The following TMEM132B variants were observed in gnomAD, a reference collection of about 807,000 sequenced individuals.
TMEM132B encodes transmembrane protein 132B.
In TMEM132B, 18 loss-of-function variants were observed where a neutral mutation model predicts 90.8. The observed-to-expected ratio is 0.20, with a 90% CI of 0.14 to 0.29. The LOEUF (loss-of-function observed/expected upper bound fraction) is 0.29. Ranked by LOEUF, TMEM132B falls within the 10% of genes least tolerant of loss-of-function variation. TMEM132B has a pLI of 1.00. For missense variants in TMEM132B, 1,096 were observed against 1,326.8 expected (o/e 0.83, Z 2.70); for synonymous variants, 504 against 523.3 (o/e 0.96, Z 0.50).
Position 125,416,745 on chromosome 12 carries a change from CACTA to C in TMEM132B, c.1106+1074_1106+1077del, listed in dbSNP as rs1880025552. 3.9e-5 allele frequency among the ~76,000 whole-genome samples: 6 copies of C among 152,328 alleles called. 1 individual carries two copies. Among genetic ancestry groups the C allele is most frequent in the South Asian group, 2.1e-4 (1 of 4,826 alleles). On this transcript the variant is annotated intron_variant, in intron 3 of 8. Coordinates refer to ENST00000682704, the MANE Select transcript of TMEM132B (RefSeq NM_001366854.1). ...TGGTCCAAAGCATTCCATTAGGAAT[CACTA>C]ACTAAGTAATCTGGATGCCTCTTAC...
intron 2 of TMEM132B, among the ~76,000 whole-genome samples, chr12:125,362,009 C>T (rs1220898694): frequency 3.9e-5 from 6 of 152,202 alleles, no homozygotes; most frequent in Admixed American, 3.3e-4. Flanking sequence ...TATGCCATGG[C>T]CTTAGCCCCT....
chr12:125,298,652 C>T (rs11058134), intron 1 of TMEM132B, among the ~76,000 whole-genome samples: 39,511 of 121,004 alleles, frequency 0.33, 6,425 homozygotes, highest in East Asian at 0.53. Flanking sequence ...CCAGCCGGGG[C>T]GACAGAGTGA....
chr12:125,464,661 C>G (rs1408204783), intron 3 of TMEM132B, among the ~76,000 whole-genome samples: 1 of 152,192 alleles, frequency 6.6e-6, no homozygotes, highest in Non-Finnish European at 1.5e-5. Flanking sequence ...TCTGCATACA[C>G]TGGCATCATT....
At chr12:125,494,278 A>G (rs1455093313) in intron 3 of TMEM132B, among the ~76,000 whole-genome samples, 119 of 33,098 alleles carry the variant, frequency 3.6e-3, no homozygotes, top group South Asian at 6.1e-3. Flanking sequence ...AAATGGCTGC[A>G]TCCCTCCTCC....
At chr12:125,594,852 A>G (rs1453887014) in intron 5 of TMEM132B, among the ~76,000 whole-genome samples, 1 of 152,174 alleles carries the variant, frequency 6.6e-6, no homozygotes, top group Non-Finnish European at 1.5e-5. Context: ...TCATACTCTA[A>G]TAGGGTCTTT....
chr12:125,434,456 C>T (rs1271987502), intron 3 of TMEM132B, among the ~76,000 whole-genome samples: 2 of 125,890 alleles, frequency 1.6e-5, no homozygotes, highest in Non-Finnish European at 1.6e-5. Context: ...TTGGCCTGTC[C>T]GGGGTCAGCT....
intron 1 of TMEM132B, among the ~76,000 whole-genome samples, chr12:125,286,922 C>T (rs997139154): frequency 8.6e-5 from 13 of 151,982 alleles, no homozygotes; most frequent in Non-Finnish European, 1.8e-4. Flanking sequence ...AGACTGGACT[C>T]GCACTCCTGA....
intron 3 of TMEM132B, among the ~76,000 whole-genome samples, chr12:125,467,261 A>T (rs1205540602): frequency 2.0e-5 from 3 of 152,188 alleles, no homozygotes; most frequent in African/African-American, 7.2e-5. Flanking sequence ...ATGGAGAGAG[A>T]TGGTGGGGTT....
intron 5 of TMEM132B, among the ~76,000 whole-genome samples, chr12:125,631,542 G>T (rs1298600762): frequency 6.6e-6 from 1 of 152,036 alleles, no homozygotes; most frequent in Non-Finnish European, 1.5e-5. Flanking sequence ...CTGTTTCTTT[G>T]TTGATTTTCT....
chr12:125,438,609 G>T (rs184396239), intron 3 of TMEM132B, among the ~76,000 whole-genome samples: 2 of 152,124 alleles, frequency 1.3e-5, no homozygotes, highest in Admixed American at 1.3e-4. Flanking sequence ...CCCAAAATAC[G>T]CTGCAGAGCT....
intron 1 of TMEM132B, among the ~76,000 whole-genome samples, chr12:125,217,192 T>TG (rs1379365535): frequency 6.6e-6 from 1 of 152,122 alleles, no homozygotes; most frequent in African/African-American, 2.4e-5. Context: ...TCAGGGCACT[T>TG]GGAGTTCATG....
rs868549284 is a variant in TMEM132B at position 125,406,641 on chromosome 12, G to T, written c.960-8890G>T. Among the ~76,000 whole-genome samples, 1 of 152,140 alleles carries T rather than the reference G, an allele frequency of 6.6e-6. No homozygotes were observed. The highest frequency in any genetic ancestry group is 2.4e-5 in the African/African-American group (1 of 41,428). ...AAAAATATTTCACAGTCTTGATGGC[G>T]TGAGTTCTAATTGCACGCTTCCTTC... On this transcript the variant is annotated intron_variant, in intron 2 of 8. Coordinates refer to ENST00000682704, the MANE Select transcript of TMEM132B (RefSeq NM_001366854.1). The surrounding 1 kb of genome is among the most constrained non-coding windows in gnomAD (Gnocchi z 8.3).
At chr12:125,311,864 GC>G (rs1481939666) in intron 1 of TMEM132B, among the ~76,000 whole-genome samples, 2 of 152,174 alleles carry the variant, frequency 1.3e-5, no homozygotes, top group South Asian at 2.1e-4. Context: ...GAGAAGCTAG[GC>G]CAGATCTGAC....
intron 6 of TMEM132B, among the ~76,000 whole-genome samples, chr12:125,647,045 G>GA (rs1451618006): frequency 6.6e-6 from 1 of 152,110 alleles, no homozygotes; most frequent in African/African-American, 2.4e-5. Flanking sequence ...GTAAATTATA[G>GA]AAAATATAGG....
chr12:125,637,820 C>T (rs185681989), intron 5 of TMEM132B, among the ~76,000 whole-genome samples: 16 of 152,174 alleles, frequency 1.1e-4, no homozygotes, highest in Admixed American at 5.9e-4. Context: ...TCTGTGGTGA[C>T]GAAAAGCACA....
rs138770930 is a variant in TMEM132B, at chr12:125,264,152, C to G, written c.67+77286C>G. Among the ~76,000 whole-genome samples the G allele has an allele frequency of 2.0e-4, 30 of 152,292 alleles. No homozygotes were observed. The East Asian group carries it at 5.8e-3, about 29-fold the overall frequency. Reference sequence around the variant, plus strand: ...GCATTCCTTGGCTTGTGGCCCCTTCCTCCGTCTTGAAAGCATGCATTCAAC... The same window carrying G: ...GCATTCCTTGGCTTGTGGCCCCTTCGTCCGTCTTGAAAGCATGCATTCAAC... On this transcript the variant is annotated intron_variant, in intron 1 of 8. Transcript: ENST00000682704.
Position 125,407,233 on chromosome 12 carries a change from C to T in TMEM132B, c.960-8298C>T, listed in dbSNP as rs1051598982. Among the ~76,000 whole-genome samples, 1 of 152,230 alleles carries T rather than the reference C, an allele frequency of 6.6e-6. No homozygotes were observed. Among genetic ancestry groups the T allele is most frequent in the Admixed American group, 6.5e-5 (1 of 15,290 alleles). On this transcript the variant is annotated intron_variant, in intron 2 of 8. Coordinates refer to ENST00000682704, the MANE Select transcript of TMEM132B (RefSeq NM_001366854.1). The surrounding 1 kb of genome is among the most constrained non-coding windows in gnomAD (Gnocchi z 6.7). ...AGACACTCTTATCAGGCAAGAAATTCCAAAGGCTTAAAAGTTAGTTCTCAG... is the reference window on the plus strand; with the variant it reads ...AGACACTCTTATCAGGCAAGAAATTTCAAAGGCTTAAAAGTTAGTTCTCAG...
chr12:125,627,494 G>A (rs944816592), intron 5 of TMEM132B, among the ~76,000 whole-genome samples: 5 of 151,868 alleles, frequency 3.3e-5, no homozygotes, highest in Non-Finnish European at 7.4e-5. Context: ...TGTTAATATA[G>A]TCAGAAGTTG....
At chr12:125,283,446 C>T (rs1875256638) in intron 1 of TMEM132B, among the ~76,000 whole-genome samples, 1 of 151,996 alleles carries the variant, frequency 6.6e-6, no homozygotes, top group African/African-American at 2.4e-5. Context: ...TGCTGTGTAC[C>T]CGACTCTCGC....
Sources: allele counts gnomAD v4.1 joint callset (sites outside exome capture counted in the v4.1 genomes callset), GRCh38; gene constraint gnomAD v4.1.1; non-coding constraint Gnocchi (gnomAD v3.1); transcripts MANE v1.5; gene names NCBI Gene and HGNC (gene_info 2026-07-23, HGNC 2026-07-21).